The following SGSM1 variants were observed in gnomAD, a reference collection of about 807,000 sequenced individuals.
The protein encoded by SGSM1 is RUN and TBC1 domain containing 2.
SGSM1 carries 73 observed loss-of-function variants against 133.8 expected under a neutral mutation model. The observed-to-expected ratio is 0.55, with a 90% CI of 0.45 to 0.66. The LOEUF (loss-of-function observed/expected upper bound fraction) is 0.66. Ranked by LOEUF, SGSM1 falls within the 30% of genes least tolerant of loss-of-function variation. The pLI, the probability that SGSM1 is intolerant of heterozygous loss-of-function variation, is 0.00. For missense variants in SGSM1, 1,213 were observed against 1,448.1 expected (o/e 0.84, Z 2.64); for synonymous variants, 563 against 573.0 (o/e 0.98, Z 0.25).
Position 24,806,496 on chromosome 22 carries a change from G to C in SGSM1, c.63+12G>C, listed in dbSNP as rs199653023. On this transcript the variant is annotated intron_variant, in intron 2 of 24. Coordinates refer to ENST00000400358, the MANE Select transcript of SGSM1 (RefSeq NM_001098497.3). Reference sequence around the variant, plus strand: ...CCGTCAAGAAGGAGGTGGGTGCCGGGGTGGGGGCACTGGGCAGGACTCCCC... The same window carrying C: ...CCGTCAAGAAGGAGGTGGGTGCCGGCGTGGGGGCACTGGGCAGGACTCCCC... 61 of 1,509,090 alleles carry C rather than the reference G, an allele frequency of 4.0e-5. No homozygotes were observed. The highest frequency in any genetic ancestry group is 3.2e-4 in the African/African-American group (22 of 69,280). The allele number at this position is 1,509,090 out of a possible 1,614,324, so 93.5% of individuals were successfully genotyped here.
Position 24,806,314 on chromosome 22 carries a change from G to A in SGSM1, c.-12G>A. On this transcript the variant is annotated 5_prime_UTR_variant, in exon 1 of 25. Coordinates refer to ENST00000400358, the MANE Select transcript of SGSM1 (RefSeq NM_001098497.3). ...ACCGCCTCCTGGGACTCGGAACGCA[G>A]CGCTCGGAGCCATGGCCTCGGCCCC... is the stretch of plus-strand genomic sequence containing the variant. 6.9e-7 allele frequency: 1 copy of A among 1,445,512 alleles called. No homozygotes were observed. The highest frequency in any genetic ancestry group is 9.1e-7 in the Non-Finnish European group (1 of 1,102,580). 89.5% of individuals were successfully genotyped at this position (1,445,512 alleles called of 1,614,324 possible).
In SGSM1 at chr22:24,898,084, C is replaced by T. The variant is rs371238022; in HGVS notation, c.2135C>T (p.Ser712Leu). Residue 712 changes from serine (S) to leucine (L), a missense_variant, in exon 19 of 25, where the codon TCG (serine) becomes TTG (leucine). By Grantham distance (145) the Ser-to-Leu change is moderately radical. Coordinates refer to ENST00000400358, the MANE Select transcript of SGSM1 (RefSeq NM_001098497.3). The stretch of plus-strand genomic sequence containing the variant: ...GTGAACGGCACTTGTTCCCCAGACT[C>T]GGGTCATCCTTCCTCCCATAACTTC... ...NLVNGTCSPD[S>L]GHPSSHNFSS... 77 of 1,613,850 alleles carry T rather than the reference C, an allele frequency of 4.8e-5. No individual in the cohort carries two copies. The highest frequency in any genetic ancestry group is 6.0e-5 in the Non-Finnish European group (71 of 1,179,900).
intron 2 of SGSM1, among the ~76,000 whole-genome samples, chr22:24,832,405 G>A (rs1401737866): frequency 1.3e-5 from 2 of 152,230 alleles, no homozygotes; most frequent in Admixed American, 6.5e-5. Context: ...GTGCAGTTAA[G>A]AGTGTGGGTT....
At chr22:24,849,124 T>C (rs1930310982) in intron 4 of SGSM1, among the ~76,000 whole-genome samples, 1 of 152,026 alleles carries the variant, frequency 6.6e-6, no homozygotes, top group South Asian at 2.1e-4. Context: ...ATATATGCAA[T>C]CACTCATTCA....
chr22:24,883,139 C>T lies in SGSM1; in HGVS notation c.1496-914C>T, dbSNP rs1555930926. On this transcript the variant is annotated intron_variant, in intron 14 of 24. Transcript: ENST00000400358. ...CAGGATGTTCTCAATCTCCTGACCT[C>T]GTGATCCGCCCGCCTCAGTCTCCCA... Among the ~76,000 whole-genome samples, 5 of 151,738 alleles carry T rather than the reference C, an allele frequency of 3.3e-5. No individual in the cohort carries two copies. In the South Asian group the frequency reaches 1.0e-3, roughly 32 times the overall value.
At chr22:24,905,578 G>A (rs1933345316) in intron 21 of SGSM1, among the ~76,000 whole-genome samples, 2 of 152,060 alleles carry the variant, frequency 1.3e-5, no homozygotes, top group African/African-American at 4.8e-5. Flanking sequence ...ACAAGGTCAG[G>A]AGATCGAGAC....
At chr22:24,904,402 A>G (rs1933291407) in intron 20 of SGSM1, among the ~76,000 whole-genome samples, 1 of 152,032 alleles carries the variant, frequency 6.6e-6, no homozygotes, top group South Asian at 2.1e-4. Flanking sequence ...AACATGGTGA[A>G]ATCCCATCTC....
intron 2 of SGSM1, among the ~76,000 whole-genome samples, chr22:24,810,765 G>A (rs1403137770): frequency 6.6e-6 from 1 of 152,148 alleles, no homozygotes; most frequent in Non-Finnish European, 1.5e-5. Context: ...TGGAAGGGCT[G>A]TAATTGGGGA....
At chr22:24,887,107 T>TGTG (rs1932651070) in intron 16 of SGSM1, among the ~76,000 whole-genome samples, 4 of 145,212 alleles carry the variant, frequency 2.8e-5, no homozygotes, top group African/African-American at 2.5e-5. Context: ...TTGTACTTAT[T>TGTG]TGTGTGTGTG....
chr22:24,895,326 C>G (rs1932889804), intron 18 of SGSM1, 35 bp downstream of exon 18: 1 of 1,593,388 alleles, frequency 6.3e-7, no homozygotes, highest in Non-Finnish European at 8.6e-7. Flanking sequence ...CTCCCACCCA[C>G]TCCTCTCCCT....
chr22:24,850,349 T>C lies in SGSM1; in HGVS notation c.372T>C (p.Leu124=). 1 of 1,613,916 alleles carries C rather than the reference T, an allele frequency of 6.2e-7. No homozygotes were observed. The highest frequency in any genetic ancestry group is 8.5e-7 in the Non-Finnish European group (1 of 1,179,880). ...CGAAGCTGCCCAACTTGTCCCCACT[T>C]GCCATCAAGCATCTGTGGATTCGCA... ...KLPKLPNLSP[L]AIKHLWIRTA... Residue 124 remains leucine, a synonymous_variant, in exon 5 of 25, where the codon CTT becomes CTC. Coordinates refer to ENST00000400358, the MANE Select transcript of SGSM1 (RefSeq NM_001098497.3).
At chr22:24,842,264 A>C (rs1192145586) in intron 2 of SGSM1, among the ~76,000 whole-genome samples, 1 of 152,180 alleles carries the variant, frequency 6.6e-6, no homozygotes, top group African/African-American at 2.4e-5. Context: ...GAAGGAGCTC[A>C]GCCCCTGGAG....
Position 24,899,627 on chromosome 22 carries a change from A to G in SGSM1, c.2610+1068A>G, listed in dbSNP as rs184969793. 6.1e-5 allele frequency among the ~76,000 whole-genome samples: 9 copies of G among 148,318 alleles called. No homozygotes were observed. In the East Asian group the frequency reaches 1.8e-3, roughly 29 times the overall value. On this transcript the variant is annotated intron_variant, in intron 19 of 24. Transcript: ENST00000400358. ...AACCTCTGCGTCCCGAATTCATGCC[A>G]TTCTCTTGCCTCAGCCTCCCAAGTA...
intron 2 of SGSM1, among the ~76,000 whole-genome samples, chr22:24,810,747 G>A (rs901726149): frequency 1.7e-4 from 26 of 152,114 alleles, no homozygotes; most frequent in African/African-American, 5.3e-4. Context: ...CTCTGCGACC[G>A]GAGCTGGTGG....
intron 18 of SGSM1, among the ~76,000 whole-genome samples, chr22:24,895,849 C>G (rs748899497): frequency 5.3e-5 from 8 of 152,120 alleles, no homozygotes; most frequent in Non-Finnish European, 5.9e-5. Flanking sequence ...AGCTTAAACC[C>G]AGTCTGGGCA....
At chr22:24,850,767 G>A (rs12159952) in intron 5 of SGSM1, among the ~76,000 whole-genome samples, 22,142 of 152,180 alleles carry the variant, frequency 0.15, 1,865 homozygotes, top group South Asian at 0.26. Flanking sequence ...CTCCAGAGAA[G>A]TGAGAAGGGA....
chr22:24,923,430 C>T (rs1160496920), intron 24 of SGSM1, among the ~76,000 whole-genome samples: 2 of 152,120 alleles, frequency 1.3e-5, no homozygotes, highest in Non-Finnish European at 2.9e-5. Context: ...AGAAGTCTGA[C>T]CACATTGTGT....
chr22:24,841,440 G>T (rs1343943753), intron 2 of SGSM1, among the ~76,000 whole-genome samples: 1 of 152,240 alleles, frequency 6.6e-6, no homozygotes, highest in Admixed American at 6.5e-5. Flanking sequence ...CCATCATTAG[G>T]TGGAGTGTTC....
In SGSM1 at chr22:24,824,612, T is replaced by G. The variant is rs1436391482; in HGVS notation, c.63+18128T>G. Among the ~76,000 whole-genome samples the G allele has an allele frequency of 1.1e-4, 5 of 46,956 alleles. No individual in the cohort carries two copies. In the Admixed American group the frequency reaches 1.3e-3, roughly 13 times the overall value. The allele number at this position is 46,956 out of a possible 152,430, so 30.8% of individuals were successfully genotyped here. ...GCTGTTTCTCCCTGATACAATGTCC[T>G]TAATCTGTTCCTTCCTTTGAGCTCC... On this transcript the variant is annotated intron_variant, in intron 2 of 24. Transcript: ENST00000400358.
Sources: gnomAD v4.1 joint callset for allele counts (sites outside exome capture counted in the v4.1 genomes callset) on GRCh38, gnomAD v4.1.1 for gene constraint, MANE v1.5 for transcripts, NCBI Gene and HGNC (gene_info 2026-07-23, HGNC 2026-07-21) for gene names.